Variants in ASS1 observed in about 807,000 individuals in gnomAD.
The protein encoded by ASS1 is argininosuccinate synthase 1.
In ASS1, 58 loss-of-function variants were observed where a neutral mutation model predicts 60.5. That is an observed-to-expected ratio of 0.96 (90% confidence interval 0.78 to 1.19). The LOEUF (loss-of-function observed/expected upper bound fraction) is 1.19. Ranked by LOEUF, ASS1 falls within the 50% of genes most tolerant of loss-of-function variation. The probability of loss-of-function intolerance (pLI) is 0.00; values close to 1 mark genes in which losing one functional copy is unlikely to be tolerated. For synonymous variants in ASS1, 200 were observed against 206.9 expected, an observed-to-expected ratio of 0.97 and a Z score of 0.29; for missense variants, 454 against 547.3, an observed-to-expected ratio of 0.83 and a Z score of 1.70.
chr9:130,489,420 T>C lies in ASS1; in HGVS notation c.926T>C (p.Ile309Thr). The C allele has an allele frequency of 6.2e-7, 1 of 1,613,898 alleles. No individual in the cohort carries two copies. The highest frequency in any genetic ancestry group is 8.5e-7 in the Non-Finnish European group (1 of 1,179,996). Reference sequence around the variant, plus strand: ...ACCATGGACCGGGAAGTGCGCAAAATCAAACAAGGCCTGGGCTTGAAATTT... The same window carrying C: ...ACCATGGACCGGGAAGTGCGCAAAACCAAACAAGGCCTGGGCTTGAAATTT... ...AFTMDREVRK[I>T]KQGLGLKFAE... The change falls in exon 12 of 15, where the codon ATC becomes ACC. Residue 309 changes from isoleucine (I) to threonine (T), a missense_variant. Coordinates refer to ENST00000352480, the MANE Select transcript of ASS1 (RefSeq NM_054012.4). The surrounding 1 kb of genome is among the most constrained non-coding windows in gnomAD (Gnocchi z 4.1).
chr9:130,462,291 G>A (rs1210530247), intron 4 of ASS1, among the ~76,000 whole-genome samples: 6 of 152,234 alleles, frequency 3.9e-5, no homozygotes, highest in African/African-American at 7.2e-5. Context: ...CAGTGGGACC[G>A]TGTTTACATG....
chr9:130,464,781 A>T (rs1378167853), intron 5 of ASS1, among the ~76,000 whole-genome samples: 1 of 151,508 alleles, frequency 6.6e-6, no homozygotes, highest in Non-Finnish European at 1.5e-5. Flanking sequence ...CTCCAGCTTG[A>T]CCTTGGACCT....
chr9:130,500,274 A>G (rs971405020), intron 14 of ASS1, among the ~76,000 whole-genome samples: 1 of 151,926 alleles, frequency 6.6e-6, no homozygotes, highest in Non-Finnish European at 1.5e-5. Flanking sequence ...GCTCTGGGAC[A>G]CTCTCCTAGG....
At chr9:130,485,966 G>A (rs1437863241) in intron 11 of ASS1, among the ~76,000 whole-genome samples, 1 of 152,150 alleles carries the variant, frequency 6.6e-6, no homozygotes, top group Non-Finnish European at 1.5e-5. Context: ...GCACTGTCAT[G>A]TTTGTGTGCG....
At chr9:130,454,636 A>G (rs1425372327) in intron 3 of ASS1, among the ~76,000 whole-genome samples, 1 of 151,658 alleles carries the variant, frequency 6.6e-6, no homozygotes, top group Admixed American at 6.6e-5. Context: ...CTCTCTGTCC[A>G]TCTATGCACC....
At position 130,489,840 on chromosome 9, in the gene ASS1, T is replaced by A. The variant is rs1264794295; in HGVS notation, c.970+376T>A. ...ACAACTTTCCCAGGAGGTCTGCAGC[T>A]CCTTGTACACGAGGAAACTGAGGCT... On this transcript the variant is annotated intron_variant, in intron 12 of 14. Coordinates refer to ENST00000352480, the MANE Select transcript of ASS1 (RefSeq NM_054012.4). The surrounding 1 kb of genome is among the most constrained non-coding windows in gnomAD (Gnocchi z 4.1). Among the ~76,000 whole-genome samples, 2 of 152,234 alleles carry A rather than the reference T, an allele frequency of 1.3e-5. No individual in the cohort carries two copies.
chr9:130,451,917 C>T, intron 1 of ASS1: 1 of 552,042 alleles, frequency 1.8e-6, no homozygotes, highest in East Asian at 4.4e-5. Flanking sequence ...ACTGCTCAGC[C>T]TCAGCCGCCT....
rs746022332 is a variant in ASS1, at chr9:130,466,775, C to T, written c.471C>T (p.Arg157=). 1.9e-6 allele frequency: 3 copies of T among 1,614,036 alleles called. No individual in the cohort carries two copies. The highest frequency in any genetic ancestry group is 1.1e-5 in the South Asian group (1 of 91,092). ...MPEFYNRFKG[R]NDLMEYAKQH... ...AATTCTACAACCGGTTCAAGGGCCG[C>T]AATGACCTGATGGAGTACGCAAAGG... Residue 157 remains arginine (R), a synonymous_variant, in exon 6 of 15, where the codon CGC becomes CGT. Coordinates refer to ENST00000352480, the MANE Select transcript of ASS1 (RefSeq NM_054012.4).
intron 4 of ASS1, among the ~76,000 whole-genome samples, chr9:130,463,479 G>A (rs1845653936): frequency 6.6e-6 from 1 of 152,210 alleles, no homozygotes; most frequent in South Asian, 2.1e-4. Flanking sequence ...GGGGACCTGG[G>A]CTTGGGTCCC....
intron 11 of ASS1, among the ~76,000 whole-genome samples, chr9:130,482,375 C>T (rs937604122): frequency 2.0e-5 from 3 of 151,508 alleles, no homozygotes; most frequent in African/African-American, 7.3e-5. Flanking sequence ...ATAATAAGGG[C>T]CTGCCACAGG....
intron 11 of ASS1, among the ~76,000 whole-genome samples, chr9:130,482,268 C>T (rs557916114): frequency 1.3e-5 from 2 of 151,848 alleles, no homozygotes; most frequent in South Asian, 4.2e-4. Flanking sequence ...ATCAGTCCCC[C>T]GGGCATGTGG....
chr9:130,471,380 A>G, intron 7 of ASS1, 105 bp from the exon 8 acceptor site: 1 of 1,428,290 alleles, frequency 7.0e-7, no homozygotes, highest in Non-Finnish European at 9.9e-7. Flanking sequence ...GGCAGAGAGT[A>G]AAAGGCAGAC....
chr9:130,452,292 G>A lies in ASS1; in HGVS notation c.64G>A (p.Val22Met), dbSNP rs762279472. The A allele has an allele frequency of 5.6e-6, 9 of 1,614,032 alleles. No individual in the cohort carries two copies. Among genetic ancestry groups the A allele is most frequent in the Admixed American group, 5.0e-5 (3 of 60,006 alleles). Residue 22 changes from valine to methionine, a missense_variant, in exon 2 of 15, where the codon GTG becomes ATG. Val to Met is a conservative substitution (Grantham distance 21, BLOSUM62 1). Coordinates refer to ENST00000352480, the MANE Select transcript of ASS1 (RefSeq NM_054012.4). The stretch of plus-strand genomic sequence containing the variant: ...CGGCCTGGACACCTCGTGCATCCTC[G>A]TGTGGCTGAAGGAACAAGGCTATGA... ...SGGLDTSCIL[V>M]WLKEQGYDVI...
At position 130,476,547 on chromosome 9, in the gene ASS1, G is replaced by A. The variant is rs41302903; in HGVS notation, c.598-324G>A. 20,619 of 479,256 alleles carry A rather than the reference G, an allele frequency of 0.043. 566 individuals are homozygous for A. Among genetic ancestry groups the A allele is most frequent in the Middle Eastern group, 0.072 (118 of 1,638 alleles). 29.7% of individuals were successfully genotyped at this position (479,256 alleles called of 1,614,324 possible). On this transcript the variant is annotated intron_variant, in intron 8 of 14. Transcript: ENST00000352480. This position sits in a 1 kb window ranked among gnomAD's most constrained non-coding sequence, Gnocchi z 4.9. ...GCTCCTGGGAAGCCCTCGGAACGCCGCCTTGCTCCTCCAAAGTCACACTTT... is the reference window on the plus strand; with the variant it reads ...GCTCCTGGGAAGCCCTCGGAACGCCACCTTGCTCCTCCAAAGTCACACTTT...
At chr9:130,460,079 A>C (rs1180435400) in intron 4 of ASS1, among the ~76,000 whole-genome samples, 1 of 152,196 alleles carries the variant, frequency 6.6e-6, no homozygotes, top group Non-Finnish European at 1.5e-5. Flanking sequence ...CCACAGTCAG[A>C]AGGCTCGGAA....
chr9:130,499,648 AG>A, intron 14 of ASS1, 78 bp downstream of exon 14: 1 of 1,456,444 alleles, frequency 6.9e-7, no homozygotes, highest in Non-Finnish European at 9.5e-7. Context: ...CCAGGTGTAA[AG>A]GGTAGGCTTT....
At chr9:130,469,539 T>TA (rs1192772917) in intron 6 of ASS1, among the ~76,000 whole-genome samples, 1 of 152,124 alleles carries the variant, frequency 6.6e-6, no homozygotes, top group East Asian at 1.9e-4. Context: ...GTCTCCCAAG[T>TA]AGCTGGGACT....
chr9:130,469,464 G>A (rs1034153399), intron 6 of ASS1, among the ~76,000 whole-genome samples: 1 of 151,664 alleles, frequency 6.6e-6, no homozygotes, highest in Non-Finnish European at 1.5e-5. Context: ...AAGCTGGGGT[G>A]CAATGGCACT....
intron 1 of ASS1, chr9:130,445,228 G>T: frequency 9.9e-5 from 2 of 20,282 alleles, no homozygotes; most frequent in South Asian, 9.2e-4. Context: ...CGCGGCGGGG[G>T]CGCGAGTCCC....
Sources: gnomAD v4.1 joint callset for allele counts (sites outside exome capture counted in the v4.1 genomes callset) on GRCh38, gnomAD v4.1.1 for gene constraint, Gnocchi (gnomAD v3.1) non-coding constraint, MANE v1.5 for transcripts, NCBI Gene and HGNC (gene_info 2026-07-23, HGNC 2026-07-21) for gene names.